Variants in LPIN1 observed in about 807,000 individuals in gnomAD.
The protein encoded by LPIN1 is phosphatidate phosphatase LPIN1.
Under a neutral mutation model 107.5 loss-of-function variants are expected in LPIN1, and 71 were observed. The ratio of observed to expected loss-of-function variants is 0.66; its 90% CI spans 0.55 to 0.80. The LOEUF is 0.80. Among genes scored for constraint, LPIN1 ranks in the 30% least tolerant of loss-of-function variants. The pLI, the probability that LPIN1 is intolerant of heterozygous loss-of-function variation, is 0.00. For missense variants in LPIN1, 1,043 were observed against 1,160.6 expected, an observed-to-expected ratio of 0.90 and a Z score of 1.47; for synonymous variants, 445 against 452.6, an observed-to-expected ratio of 0.98 and a Z score of 0.21.
rs1203932172 is a variant in LPIN1 at position 11,782,405 on chromosome 2, G to C, written c.1162G>C (p.Gly388Arg). ...GAATGAAGAAGACCTGGAGACCTTA[G>C]GAGCAGCAGCGCCACTCTTGCCCAT... ...FVNEEDLETLGAAAPLLPMIE... is the reference protein window; with the variant it reads ...FVNEEDLETLRAAAPLLPMIE... The change falls in exon 8 of 21, where the codon GGA (glycine) becomes CGA (arginine). Residue 388 changes from glycine to arginine, a missense_variant. By Grantham distance (125) the Gly-to-Arg change is moderately radical (BLOSUM62 -2). Transcript: ENST00000674199. 6.2e-7 allele frequency: 1 copy of C among 1,614,198 alleles called. No individual in the cohort carries two copies. The highest frequency in any genetic ancestry group is 8.5e-7 in the Non-Finnish European group (1 of 1,180,036).
chr2:11,739,779 C>T (rs1419310684), intron 1 of LPIN1, among the ~76,000 whole-genome samples: 2 of 152,212 alleles, frequency 1.3e-5, no homozygotes, highest in Admixed American at 6.5e-5. Context: ...GGAGAAAAAT[C>T]AATCAATATA....
intron 3 of LPIN1, among the ~76,000 whole-genome samples, chr2:11,769,486 C>T (rs1671513844): frequency 1.3e-5 from 2 of 152,038 alleles, no homozygotes; most frequent in South Asian, 2.1e-4. Flanking sequence ...AGTCCCTTAT[C>T]GGGTATATGA....
At chr2:11,789,493 C>G (rs1337853201) in intron 12 of LPIN1, among the ~76,000 whole-genome samples, 1 of 146,812 alleles carries the variant, frequency 6.8e-6, no homozygotes, top group South Asian at 2.2e-4. Context: ...TGGATGTGCA[C>G]GTGTGTGCGC....
At chr2:11,709,511 T>C (rs549122442) in intron 1 of LPIN1, among the ~76,000 whole-genome samples, 11 of 152,346 alleles carry the variant, frequency 7.2e-5, no homozygotes, top group Middle Eastern at 3.4e-3. Context: ...GAATCCTCCA[T>C]TGGACTGTGA....
At chr2:11,818,814 A>G (rs945601571) in intron 18 of LPIN1, 6 of 151,950 alleles carry the variant, frequency 3.9e-5, no homozygotes, top group Non-Finnish European at 7.4e-5. Context: ...TCTCATCTGG[A>G]TTAGATGTTA....
intron 17 of LPIN1, 95 bp from the exon 18 acceptor site, chr2:11,814,993 C>T (rs1680324352): frequency 1.3e-5 from 16 of 1,187,172 alleles, no homozygotes; most frequent in Middle Eastern, 1.9e-4. Flanking sequence ...TGAAACAGTG[C>T]CATTCTCCAC....
chr2:11,695,302 C>G (rs7583977), intron 1 of LPIN1, among the ~76,000 whole-genome samples: 19,847 of 152,168 alleles, frequency 0.13, 3,831 homozygotes, highest in African/African-American at 0.42. Context: ...AAGCAAGGTA[C>G]AAGGACCAGG....
At chr2:11,709,758 C>A (rs1488359850) in intron 1 of LPIN1, among the ~76,000 whole-genome samples, 4 of 152,194 alleles carry the variant, frequency 2.6e-5, no homozygotes. Flanking sequence ...CGACTTTGAG[C>A]CTGATAATCT....
intron 1 of LPIN1, among the ~76,000 whole-genome samples, chr2:11,733,363 G>A (rs568017696): frequency 4.6e-5 from 7 of 152,268 alleles, no homozygotes; most frequent in African/African-American, 1.7e-4. Flanking sequence ...ATATGAAAGT[G>A]TATGGACACA....
intron 1 of LPIN1, among the ~76,000 whole-genome samples, chr2:11,690,274 AT>A (rs201605162): frequency 6.6e-6 from 1 of 150,808 alleles, no homozygotes; most frequent in African/African-American, 2.4e-5. Flanking sequence ...CTGAAAATGT[AT>A]TTTTTTTTGC....
intron 1 of LPIN1, among the ~76,000 whole-genome samples, chr2:11,678,287 A>G (rs1357024211): frequency 6.6e-6 from 1 of 152,184 alleles, no homozygotes; most frequent in Non-Finnish European, 1.5e-5. Context: ...TGTTGCACAA[A>G]AGTAGTTATT....
At chr2:11,723,785 G>C (rs903834136), upstream of LPIN1, 6 of 152,188 alleles carry the variant, frequency 3.9e-5, no homozygotes, top group African/African-American at 1.2e-4. Context: ...TATTTTAAAG[G>C]ATTCCATTCT....
chr2:11,778,052 A>G (rs1047032040), intron 6 of LPIN1, among the ~76,000 whole-genome samples: 2 of 152,184 alleles, frequency 1.3e-5, no homozygotes, highest in Non-Finnish European at 2.9e-5. Context: ...CAGTGCCACC[A>G]AAGCGTTGTC....
chr2:11,824,987 C>T lies in LPIN1; in HGVS notation c.*196C>T. 1 of 629,244 alleles carries T rather than the reference C, an allele frequency of 1.6e-6. No homozygotes were observed. Among genetic ancestry groups the T allele is most frequent in the Admixed American group, 2.8e-5 (1 of 35,520 alleles). 39.0% of individuals were successfully genotyped at this position (629,244 alleles called of 1,614,324 possible). A position where few individuals can be genotyped will look rare whatever the true frequency, so the allele number is the denominator to read the frequency against. ...TTCTAAGCAAGATAGGAAGGGAGCACTTTCTAGGCTAGGAGTTGGGTGCAT... is the reference window on the plus strand; with the variant it reads ...TTCTAAGCAAGATAGGAAGGGAGCATTTTCTAGGCTAGGAGTTGGGTGCAT... On this transcript the variant is annotated 3_prime_UTR_variant, in exon 21 of 21. Coordinates refer to ENST00000674199, the MANE Select transcript of LPIN1 (RefSeq NM_001349206.2).
chr2:11,731,828 G>T (rs1448292766), intron 1 of LPIN1, among the ~76,000 whole-genome samples: 1 of 91,158 alleles, frequency 1.1e-5, no homozygotes, highest in African/African-American at 7.4e-5. Flanking sequence ...CAGTGATGAT[G>T]AGTTTTTTTT....
chr2:11,721,224 G>C (rs1473520007), upstream of LPIN1, among the ~76,000 whole-genome samples: 1 of 151,594 alleles, frequency 6.6e-6, no homozygotes, highest in African/African-American at 2.4e-5. Flanking sequence ...ATGCGCTGGG[G>C]TATCTTGGAC....
intron 1 of LPIN1, among the ~76,000 whole-genome samples, chr2:11,757,836 T>C (rs541827394): frequency 1.3e-5 from 2 of 152,286 alleles, no homozygotes; most frequent in South Asian, 4.1e-4. Context: ...AAAATACATA[T>C]AACATAAAAT....
At chr2:11,814,181 C>T (rs1020015077) in intron 17 of LPIN1, among the ~76,000 whole-genome samples, 4 of 152,042 alleles carry the variant, frequency 2.6e-5, no homozygotes, top group Admixed American at 6.6e-5. Context: ...GGAGAACACC[C>T]GGACACTCTG....
rs1358780299 is a variant in LPIN1 at position 11,707,670 on chromosome 2, C to G, written c.82-6086C>G. 6.6e-6 allele frequency among the ~76,000 whole-genome samples: 1 copy of G among 152,084 alleles called. No individual in the cohort carries two copies. Among genetic ancestry groups the G allele is most frequent in the East Asian group, 1.9e-4 (1 of 5,172 alleles). ...GCACGGGGAGAAGTGCTCGGGGTCC[C>G]CCACTGGAGGTGGAGCTGCAGGATT... On this transcript the variant is annotated intron_variant, in intron 1 of 21. Transcript: ENST00000449576. The surrounding 1 kb of genome is among the most constrained non-coding windows in gnomAD (Gnocchi z 4.2).
Sources: gnomAD v4.1 joint callset for allele counts (sites outside exome capture counted in the v4.1 genomes callset) on GRCh38, gnomAD v4.1.1 for gene constraint, Gnocchi (gnomAD v3.1) non-coding constraint, MANE v1.5 for transcripts, NCBI Gene and HGNC (gene_info 2026-07-23, HGNC 2026-07-21) for gene names.